The following NAV3 variants were observed in gnomAD, a reference collection of about 807,000 sequenced individuals.
NAV3 encodes pore membrane and/or filament interacting like protein 1.
NAV3 carries 87 observed loss-of-function variants against 244.7 expected under a neutral mutation model. The observed-to-expected ratio is 0.36, with a 90% CI of 0.30 to 0.42. The LOEUF is 0.42. Among genes scored for constraint, NAV3 ranks in the 20% least tolerant of loss-of-function variants. The pLI, the probability that NAV3 is intolerant of heterozygous loss-of-function variation, is 1.00. For missense variants in NAV3, 2,663 were observed against 2,893.3 expected (o/e 0.92, Z 1.83); for synonymous variants, 1,126 against 1,042.2 (o/e 1.08, Z -1.55).
chr12:77,829,333 C>T (rs2136057287), upstream of NAV3, among the ~76,000 whole-genome samples: 1 of 152,236 alleles, frequency 6.6e-6, no homozygotes, highest in South Asian at 2.1e-4. Context: ...TTGAGTGGTC[C>T]AAATTATTTT....
chr12:77,661,894 A>G lies in NAV3; in HGVS notation c.72+89628A>G, dbSNP rs577738968. ...ATTTTGTATTTTGTTGTACATGTAC[A>G]TAGAACAAAATTATAAAAATTGCAC... On this transcript the variant is annotated intron_variant, in intron 2 of 8. Coordinates refer to the NAV3 transcript ENST00000550042. Among the ~76,000 whole-genome samples, 8 of 152,224 alleles carry G rather than the reference A, an allele frequency of 5.3e-5. No homozygotes were observed. In the South Asian group the frequency reaches 1.0e-3, roughly 20 times the overall value.
At chr12:77,593,065 C>T (rs1592484537) in intron 2 of NAV3, among the ~76,000 whole-genome samples, 1 of 152,130 alleles carries the variant, frequency 6.6e-6, no homozygotes, top group East Asian at 1.9e-4. Flanking sequence ...CGCAAACAAC[C>T]CTGCTTTTTT....
At chr12:77,866,231 G>A (rs1319954166) in intron 1 of NAV3, among the ~76,000 whole-genome samples, 7 of 152,036 alleles carry the variant, frequency 4.6e-5, no homozygotes, top group African/African-American at 1.7e-4. Flanking sequence ...GAATTGAGTG[G>A]GTGTTCGAAT....
intron 1 of NAV3, among the ~76,000 whole-genome samples, chr12:77,864,964 C>T (rs1879792239): frequency 6.6e-6 from 1 of 151,954 alleles, no homozygotes; most frequent in Non-Finnish European, 1.5e-5. Context: ...CACAAAGGTA[C>T]AGAGCATTTA....
chr12:77,935,164 A>T (rs1022228930), intron 1 of NAV3, among the ~76,000 whole-genome samples: 56 of 152,306 alleles, frequency 3.7e-4, no homozygotes, highest in Middle Eastern at 6.8e-3. Context: ...AATAATTTTT[A>T]AAAATGTAGG....
chr12:77,742,293 C>A (rs540943118), intron 2 of NAV3, among the ~76,000 whole-genome samples: 25 of 152,156 alleles, frequency 1.6e-4, no homozygotes, highest in African/African-American at 6.0e-4. Context: ...AGTTTCCTTG[C>A]AGTCCTTCCT....
intron 1 of NAV3, among the ~76,000 whole-genome samples, chr12:77,937,837 C>A (rs1326589209): frequency 1.3e-5 from 2 of 152,142 alleles, no homozygotes; most frequent in Non-Finnish European, 2.9e-5. Flanking sequence ...AAACTAGATG[C>A]CATGTGATGA....
At chr12:77,639,928 G>A (rs1179904604) in intron 2 of NAV3, among the ~76,000 whole-genome samples, 1 of 152,200 alleles carries the variant, frequency 6.6e-6, no homozygotes, top group East Asian at 1.9e-4. Context: ...AGCCTGAGCT[G>A]TCAAAAGGGG....
intron 8 of NAV3, chr12:78,010,829 T>C (rs894792278): frequency 1.2e-4 from 19 of 152,052 alleles, no homozygotes; most frequent in Admixed American, 4.6e-4. Context: ...TGACTTTTTT[T>C]CTCAATTCTA....
chr12:78,117,490 T>G (rs1955471276), intron 13 of NAV3, among the ~76,000 whole-genome samples: 1 of 147,052 alleles, frequency 6.8e-6, no homozygotes, highest in Admixed American at 6.9e-5. Context: ...TAATATATAA[T>G]GTATAATTCT....
At chr12:78,040,920 T>C (rs1447080069) in intron 9 of NAV3, among the ~76,000 whole-genome samples, 1 of 152,240 alleles carries the variant, frequency 6.6e-6, no homozygotes, top group African/African-American at 2.4e-5. Context: ...TCCTTGTCTG[T>C]AATAATTTTA....
chr12:78,125,578 C>G (rs1041658457), intron 16 of NAV3, among the ~76,000 whole-genome samples: 1 of 152,136 alleles, frequency 6.6e-6, no homozygotes, highest in Non-Finnish European at 1.5e-5. Flanking sequence ...GGCAACGCTG[C>G]CTTGACATTT....
At chr12:77,766,778 G>T in intron 2 of NAV3, among the ~76,000 whole-genome samples, 1 of 41,708 alleles carries the variant, frequency 2.4e-5, no homozygotes, top group East Asian at 1.0e-3. Context: ...TTTTGAGACG[G>T]AGTCTCGCTC....
chr12:77,947,980 A>G (rs890312281), intron 3 of NAV3, among the ~76,000 whole-genome samples: 2 of 152,090 alleles, frequency 1.3e-5, no homozygotes, highest in Non-Finnish European at 2.9e-5. Flanking sequence ...AAAGGCATTC[A>G]GTAAATTCTC....
intron 2 of NAV3, among the ~76,000 whole-genome samples, chr12:77,575,942 A>G (rs1454501645): frequency 6.6e-6 from 1 of 152,174 alleles, no homozygotes. Context: ...CCGGAAAGAC[A>G]TGAGCAATAT....
chr12:77,869,676 A>T (rs1880644974), intron 1 of NAV3, among the ~76,000 whole-genome samples: 1 of 151,944 alleles, frequency 6.6e-6, no homozygotes, highest in Admixed American at 6.6e-5. Flanking sequence ...CCAATTCTAG[A>T]TCCGTTTCTT....
chr12:78,195,189 A>G (rs1959149551), intron 34 of NAV3, among the ~76,000 whole-genome samples: 1 of 152,030 alleles, frequency 6.6e-6, no homozygotes, highest in Non-Finnish European at 1.5e-5. Flanking sequence ...ATATAATAAA[A>G]TGCAACTTCT....
chr12:77,958,511 C>A (rs114220039), intron 3 of NAV3, among the ~76,000 whole-genome samples: 2,288 of 152,104 alleles, frequency 0.015, 39 homozygotes, highest in African/African-American at 0.039. Flanking sequence ...TGTTTAGTTT[C>A]TATAATAAAG....
intron 5 of NAV3, among the ~76,000 whole-genome samples, chr12:77,976,255 G>A (rs1037228614): frequency 3.9e-5 from 6 of 152,068 alleles, no homozygotes; most frequent in African/African-American, 1.4e-4. Flanking sequence ...GCAAAACTGG[G>A]GTTTAAGGGA....
Sources: allele counts gnomAD v4.1 joint callset (sites outside exome capture counted in the v4.1 genomes callset), GRCh38; gene constraint gnomAD v4.1.1; transcripts MANE v1.5; gene names NCBI Gene and HGNC (gene_info 2026-07-23, HGNC 2026-07-21).